ERC2: variants seen among roughly 807,000 people sequenced by gnomAD.
The protein encoded by ERC2 is ELKS/RAB6-interacting/CAST family member 2.
Under a neutral mutation model 114.8 loss-of-function variants are expected in ERC2, and 42 were observed. The ratio of observed to expected loss-of-function variants is 0.37; its 90% CI spans 0.29 to 0.47. The LOEUF (loss-of-function observed/expected upper bound fraction) is 0.47, where lower values mean the gene tolerates loss of function less well. Ranked by LOEUF, ERC2 falls within the 20% of genes least tolerant of loss-of-function variation. The pLI is 0.99. For missense variants in ERC2, 939 were observed against 1,150.7 expected, an observed-to-expected ratio of 0.82 and a Z score of 2.66; for synonymous variants, 454 against 425.5, an observed-to-expected ratio of 1.07 and a Z score of -0.82.
At chr3:55,619,342 G>T (rs150812679) in intron 17 of ERC2, among the ~76,000 whole-genome samples, 1 of 152,166 alleles carries the variant, frequency 6.6e-6, no homozygotes, top group South Asian at 2.1e-4. Context: ...GTTGCGTTAC[G>T]CTCAAATGTA....
chr3:55,926,074 G>A (rs937908187), intron 13 of ERC2, among the ~76,000 whole-genome samples: 6 of 152,004 alleles, frequency 3.9e-5, no homozygotes, highest in Admixed American at 1.3e-4. Flanking sequence ...TACTATTTAG[G>A]TTTATGAATT....
At chr3:55,939,428 A>T (rs1006472640) in intron 13 of ERC2, among the ~76,000 whole-genome samples, 2 of 152,254 alleles carry the variant, frequency 1.3e-5, no homozygotes, top group Non-Finnish European at 1.5e-5. Flanking sequence ...GATTTAGAGA[A>T]ATTCTGGATT....
chr3:56,341,065 A>T (rs2058071747), intron 2 of ERC2, among the ~76,000 whole-genome samples: 1 of 152,188 alleles, frequency 6.6e-6, no homozygotes, highest in African/African-American at 2.4e-5. Flanking sequence ...ATTTTATCTT[A>T]TTGAGCTTAG....
chr3:56,156,139 T>C (rs2081706849), intron 4 of ERC2, among the ~76,000 whole-genome samples: 2 of 152,030 alleles, frequency 1.3e-5, no homozygotes, highest in Non-Finnish European at 2.9e-5. Context: ...TTCTCAGACA[T>C]AGTTGAGAAT....
chr3:56,021,908 T>C (rs1004973287), intron 7 of ERC2, among the ~76,000 whole-genome samples: 4 of 152,224 alleles, frequency 2.6e-5, no homozygotes, highest in Non-Finnish European at 4.4e-5. Flanking sequence ...TATCTCATTC[T>C]TTTTTATGGC....
rs869073962 is a variant in ERC2, at chr3:55,891,437, A to ATT, written c.2404-2890_2404-2889dup. On this transcript the variant is annotated intron_variant, in intron 13 of 17. Coordinates refer to ENST00000288221, the MANE Select transcript of ERC2 (RefSeq NM_015576.3). ...CTTCACTGGTGAACTGTCTGGTTCTATTTTTTTTTTTTTTTTTTTTTTTTT... is the reference window on the plus strand; with the variant it reads ...CTTCACTGGTGAACTGTCTGGTTCTATTTTTTTTTTTTTTTTTTTTTTTTTTT... 4.8e-3 allele frequency among the ~76,000 whole-genome samples: 420 copies of ATT among 86,974 alleles called. 42 individuals carry two copies. Among genetic ancestry groups the ATT allele is most frequent in the East Asian group, 0.026 (52 of 2,016 alleles). 57.1% of individuals were successfully genotyped at this position (86,974 alleles called of 152,430 possible). A position where few individuals can be genotyped will look rare whatever the true frequency, so the allele number is the denominator to read the frequency against.
intron 3 of ERC2, among the ~76,000 whole-genome samples, chr3:56,249,110 G>C (rs140244342): frequency 3.3e-5 from 5 of 152,328 alleles, no homozygotes; most frequent in African/African-American, 1.2e-4. Flanking sequence ...CTAGAGCTGA[G>C]AGCAAAATTG....
chr3:55,943,307 C>T (rs1042758464), intron 13 of ERC2, among the ~76,000 whole-genome samples: 2 of 152,024 alleles, frequency 1.3e-5, no homozygotes, highest in African/African-American at 4.8e-5. Context: ...ATGCCTTCAC[C>T]GTATTTACTT....
chr3:55,860,885 T>C (rs368212722), intron 14 of ERC2, among the ~76,000 whole-genome samples: 2 of 152,228 alleles, frequency 1.3e-5, no homozygotes, highest in South Asian at 4.2e-4. Flanking sequence ...TGAGAAGACA[T>C]TAAAGAAAAA....
intron 17 of ERC2, among the ~76,000 whole-genome samples, chr3:55,524,874 A>T (rs1399524814): frequency 6.6e-6 from 1 of 152,212 alleles, no homozygotes; most frequent in Non-Finnish European, 1.5e-5. Context: ...GCCAAAGCAG[A>T]AGAAATTAGC....
At chr3:55,995,803 C>A (rs1343465845) in intron 10 of ERC2, among the ~76,000 whole-genome samples, 1 of 152,140 alleles carries the variant, frequency 6.6e-6, no homozygotes, top group Non-Finnish European at 1.5e-5. Flanking sequence ...CTACCATGAT[C>A]TACAGACATG....
intron 14 of ERC2, among the ~76,000 whole-genome samples, chr3:55,737,705 T>C (rs933298614): frequency 6.6e-6 from 1 of 152,212 alleles, no homozygotes. Context: ...CTTAGTGATG[T>C]GAAAATATTT....
chr3:55,756,188 G>A (rs1235561233), intron 14 of ERC2, among the ~76,000 whole-genome samples: 1 of 152,152 alleles, frequency 6.6e-6, no homozygotes, highest in Non-Finnish European at 1.5e-5. Context: ...TTGAAACACA[G>A]TCACGAAGCT....
At chr3:56,311,253 C>G (rs370717551) in intron 2 of ERC2, among the ~76,000 whole-genome samples, 1 of 43,530 alleles carries the variant, frequency 2.3e-5, no homozygotes, top group Non-Finnish European at 5.1e-5. Flanking sequence ...CTCTCTCTCT[C>G]TCTATATATA....
At position 55,864,050 on chromosome 3, in the gene ERC2, C is replaced by A. The variant is rs539288844; in HGVS notation, c.2564+24339G>T. On this transcript the variant is annotated intron_variant, in intron 14 of 17. Coordinates refer to ENST00000288221, the MANE Select transcript of ERC2 (RefSeq NM_015576.3). ...TGTAGCTCTTTTTCACCCCTTCTAC[C>A]CATCCCATATACTCAGTAGACTGCA... Among the ~76,000 whole-genome samples the A allele has an allele frequency of 9.4e-5, 14 of 148,816 alleles. No homozygotes were observed. In the South Asian group the frequency reaches 3.0e-3, roughly 31 times the overall value.
chr3:55,837,023 A>G (rs2060921327), intron 14 of ERC2, among the ~76,000 whole-genome samples: 1 of 152,252 alleles, frequency 6.6e-6, no homozygotes, highest in African/African-American at 2.4e-5. Flanking sequence ...ATCACTGGCC[A>G]TCAGAGAAAT....
At position 55,609,855 on chromosome 3, in the gene ERC2, C is replaced by G. The variant is rs370735813; in HGVS notation, c.*39+73939G>C. Among the ~76,000 whole-genome samples, 4 of 152,118 alleles carry G rather than the reference C, an allele frequency of 2.6e-5. No homozygotes were observed. In the East Asian group the frequency reaches 5.8e-4, roughly 22 times the overall value. ...CTCTGCTTTGGTCAAAGTTGTCTCTCCTTGGAGCTCAGACAGCTGTTGGAG... is the reference window on the plus strand; with the variant it reads ...CTCTGCTTTGGTCAAAGTTGTCTCTGCTTGGAGCTCAGACAGCTGTTGGAG... On this transcript the variant is annotated intron_variant, in intron 17 of 17. Transcript: ENST00000288221.
chr3:56,129,872 C>T (rs966876177), intron 6 of ERC2, among the ~76,000 whole-genome samples: 30 of 152,258 alleles, frequency 2.0e-4, no homozygotes, highest in African/African-American at 7.2e-4. Context: ...TAAAGTGATT[C>T]TGTTATCTTA....
intron 6 of ERC2, among the ~76,000 whole-genome samples, chr3:56,082,109 C>A (rs1041249134): frequency 3.3e-5 from 5 of 152,100 alleles, no homozygotes; most frequent in African/African-American, 1.2e-4. Context: ...CCCTTTGCCA[C>A]AATTATCTTG....
Sources: gnomAD v4.1 joint callset for allele counts (sites outside exome capture counted in the v4.1 genomes callset) on GRCh38, gnomAD v4.1.1 for gene constraint, MANE v1.5 for transcripts, NCBI Gene and HGNC (gene_info 2026-07-23, HGNC 2026-07-21) for gene names.